DHX15: variants seen among roughly 807,000 people sequenced by gnomAD.
DHX15 encodes the protein ATP-dependent RNA helicase DHX15.
In DHX15, 11 loss-of-function variants were observed where a neutral mutation model predicts 94.4. The observed-to-expected ratio is 0.12, with a 90% CI of 0.07 to 0.19. DHX15 has a LOEUF of 0.19. Among genes scored for constraint, DHX15 ranks in the 10% least tolerant of loss-of-function variants. DHX15 has a pLI of 1.00. For synonymous variants in DHX15, 338 were observed against 329.9 expected, an observed-to-expected ratio of 1.02 and a Z score of -0.27; for missense variants, 304 against 988.5, an observed-to-expected ratio of 0.31 and a Z score of 9.29.
At chr4:24,542,136 A>T (rs1379428289) in intron 7 of DHX15, 114 bp from the exon 8 acceptor site, 1 of 894,152 alleles carries the variant, frequency 1.1e-6, no homozygotes, top group Admixed American at 2.8e-5. Flanking sequence ...AAATATCGAT[A>T]GCCATAAATC....
chr4:24,564,903 T>C (rs892485621), intron 3 of DHX15, among the ~76,000 whole-genome samples: 2 of 152,180 alleles, frequency 1.3e-5, no homozygotes, highest in Non-Finnish European at 2.9e-5. Flanking sequence ...CCTGGACTCT[T>C]AAAGAGAGCT....
chr4:24,578,936 G>A (rs60796315), intron 1 of DHX15, among the ~76,000 whole-genome samples: 2,949 of 152,202 alleles, frequency 0.019, 77 homozygotes, highest in African/African-American at 0.058. Context: ...AAATTTGGGG[G>A]AAGAGAGGTG....
At chr4:24,575,553 T>C (rs1210441029) in intron 2 of DHX15, among the ~76,000 whole-genome samples, 1 of 152,188 alleles carries the variant, frequency 6.6e-6, no homozygotes, top group Admixed American at 6.5e-5. Flanking sequence ...CGTGTTCTCC[T>C]ACATGCTCAT....
chr4:24,584,474 C>A lies in DHX15; in HGVS notation c.-81G>T. Reference sequence around the variant, plus strand: ...CACAGTCGAGGACAGCCACTTAACTCTGGAGGACCCCCACCCCTCCCGCTA... The same window carrying A: ...CACAGTCGAGGACAGCCACTTAACTATGGAGGACCCCCACCCCTCCCGCTA... On this transcript the variant is annotated 5_prime_UTR_variant, in exon 1 of 14. Coordinates refer to ENST00000336812, the MANE Select transcript of DHX15 (RefSeq NM_001358.3). 5.2e-6 allele frequency: 7 copies of A among 1,353,292 alleles called. No individual in the cohort carries two copies. Among genetic ancestry groups the A allele is most frequent in the Non-Finnish European group, 7.2e-6 (7 of 978,060 alleles). The allele number at this position is 1,353,292 out of a possible 1,614,324, so 83.8% of individuals were successfully genotyped here.
At chr4:24,560,795 G>A (rs1045901230) in intron 3 of DHX15, among the ~76,000 whole-genome samples, 7 of 152,098 alleles carry the variant, frequency 4.6e-5, no homozygotes, top group African/African-American at 1.7e-4. Context: ...AAAAGCACCA[G>A]TCTCAGATTC....
intron 5 of DHX15, among the ~76,000 whole-genome samples, chr4:24,551,279 A>C (rs1475601447): frequency 6.6e-6 from 1 of 152,160 alleles, no homozygotes; most frequent in Non-Finnish European, 1.5e-5. Context: ...AAATGACCCA[A>C]TCAGAAGCTA....
At chr4:24,547,915 A>ATCTATATC (rs1417329121) in intron 6 of DHX15, among the ~76,000 whole-genome samples, 5 of 53,776 alleles carry the variant, frequency 9.3e-5, no homozygotes, top group East Asian at 1.2e-3. Context: ...ATATATATAT[A>ATCTATATC]TATATATATA....
chr4:24,552,945 C>G (rs1288501843), intron 5 of DHX15, among the ~76,000 whole-genome samples: 1 of 152,238 alleles, frequency 6.6e-6, no homozygotes, highest in Non-Finnish European at 1.5e-5. Context: ...GGTCCTTAAC[C>G]ATGAGGCCAT....
At chr4:24,549,837 T>G (rs1332753617) in intron 5 of DHX15, among the ~76,000 whole-genome samples, 2 of 152,024 alleles carry the variant, frequency 1.3e-5, no homozygotes, top group African/African-American at 2.4e-5. Context: ...CTCACACCTG[T>G]AATCCCAGCA....
rs58459661 is a variant in DHX15, at chr4:24,550,094, C to CAAAAAAAAAAAAAAAAAAAAA, written c.1081-1093_1081-1073dup. On this transcript the variant is annotated intron_variant, in intron 5 of 13. Coordinates refer to ENST00000336812, the MANE Select transcript of DHX15 (RefSeq NM_001358.3). ...GGGCAAAAAGAGGGAAACTCCGTCT[C>CAAAAAAAAAAAAAAAAAAAAA]AAAAAAAAAAAAAAAAAAAAAAAAA... Among the ~76,000 whole-genome samples, 144 of 49,740 alleles carry CAAAAAAAAAAAAAAAAAAAAA rather than the reference C, an allele frequency of 2.9e-3. 27 individuals are homozygous for CAAAAAAAAAAAAAAAAAAAAA. The highest frequency in any genetic ancestry group is 3.9e-3 in the Admixed American group (12 of 3,044). The allele number at this position is 49,740 out of a possible 152,430, so 32.6% of individuals were successfully genotyped here.
intron 11 of DHX15, 83 bp from the exon 12 acceptor site, chr4:24,533,137 A>G (rs757964956): frequency 1.7e-6 from 2 of 1,206,858 alleles, no homozygotes; most frequent in Non-Finnish European, 2.5e-6. Flanking sequence ...AAATTGTTAT[A>G]AAGAATAAGC....
chr4:24,563,554 T>C (rs1214236813), intron 3 of DHX15: 1 of 152,228 alleles, frequency 6.6e-6, no homozygotes, highest in Non-Finnish European at 1.5e-5. Context: ...GAGTAAGTTG[T>C]TGATTCCATC....
chr4:24,570,673 T>C lies in DHX15; in HGVS notation c.682A>G (p.Ser228Gly). The change falls in exon 3 of 14, where the codon AGT becomes GGT. Residue 228 changes from serine (S) to glycine (G), a missense_variant. Ser to Gly is a moderately conservative substitution (Grantham distance 56). Transcript: ENST00000336812. ...ACTTACTTAAGAATGGTTTTTGCAC[T>C]ACTGCAGTCTTCAAATCGAATGGAG... ...GYSIRFEDCS[S>G]AKTILKYMTD... The C allele has an allele frequency of 6.2e-7, 1 of 1,614,128 alleles. No homozygotes were observed. The highest frequency in any genetic ancestry group is 8.5e-7 in the Non-Finnish European group (1 of 1,180,002).
chr4:24,547,878 TC>T (rs1172046020), intron 6 of DHX15, among the ~76,000 whole-genome samples: 2 of 86,832 alleles, frequency 2.3e-5, no homozygotes, highest in East Asian at 5.7e-4. Context: ...TCTCTCTCTC[TC>T]TCTCTCTCTC....
intron 3 of DHX15, among the ~76,000 whole-genome samples, chr4:24,565,498 A>G (rs990674996): frequency 6.6e-6 from 1 of 152,192 alleles, no homozygotes; most frequent in African/African-American, 2.4e-5. Flanking sequence ...TGTTCAATAA[A>G]TTAGTTTATA....
intron 3 of DHX15, among the ~76,000 whole-genome samples, chr4:24,558,874 A>G (rs1361135773): frequency 6.6e-6 from 1 of 152,140 alleles, no homozygotes; most frequent in Non-Finnish European, 1.5e-5. Context: ...GTATCACTGT[A>G]CTGATTCCCA....
chr4:24,555,637 A>G lies in DHX15; in HGVS notation c.861+614T>C, dbSNP rs575425611. Reference sequence around the variant, plus strand: ...ACCCTTCTATAACACTTGTATCAACAAGGGATGAGTCTACATTCCAATGAA... The same window carrying G: ...ACCCTTCTATAACACTTGTATCAACGAGGGATGAGTCTACATTCCAATGAA... On this transcript the variant is annotated intron_variant, in intron 4 of 13. Coordinates refer to ENST00000336812, the MANE Select transcript of DHX15 (RefSeq NM_001358.3). Among the ~76,000 whole-genome samples, 76 of 152,286 alleles carry G rather than the reference A, an allele frequency of 5.0e-4. No individual in the cohort carries two copies. The South Asian group carries it at 0.012, about 25-fold the overall frequency.
intron 11 of DHX15, among the ~76,000 whole-genome samples, chr4:24,534,795 C>T (rs1351289765): frequency 2.0e-5 from 3 of 152,074 alleles, no homozygotes; most frequent in Non-Finnish European, 4.4e-5. Context: ...AACATCTTGA[C>T]CAGTATCTGA....
chr4:24,547,927 A>ATATCTATATATC (rs1560765863), intron 6 of DHX15, among the ~76,000 whole-genome samples: 8 of 102,952 alleles, frequency 7.8e-5, no homozygotes, highest in Admixed American at 6.6e-4. Context: ...ATATATATAT[A>ATATCTATATATC]TATATATATA....
Sources: gnomAD v4.1 joint callset for allele counts (sites outside exome capture counted in the v4.1 genomes callset) on GRCh38, gnomAD v4.1.1 for gene constraint, MANE v1.5 for transcripts, NCBI Gene and HGNC (gene_info 2026-07-23, HGNC 2026-07-21) for gene names.